Variants in PIP5K1B observed in about 807,000 individuals in gnomAD.
PIP5K1B encodes phosphatidylinositol 4-phosphate 5-kinase type-1 beta.
PIP5K1B carries 42 observed loss-of-function variants against 67.0 expected under a neutral mutation model. The observed-to-expected ratio is 0.63, with a 90% CI of 0.49 to 0.81. The LOEUF is 0.81. Among genes scored for constraint, PIP5K1B ranks in the 30% least tolerant of loss-of-function variants. The probability of loss-of-function intolerance (pLI) is 0.00; values close to 1 mark genes in which losing one functional copy is unlikely to be tolerated. For synonymous variants in PIP5K1B, 214 were observed against 231.4 expected (o/e 0.92, Z 0.68); for missense variants, 459 against 646.3 (o/e 0.71, Z 3.14).
At chr9:68,916,295 A>C (rs1826088951) in intron 8 of PIP5K1B, among the ~76,000 whole-genome samples, 1 of 152,168 alleles carries the variant, frequency 6.6e-6, no homozygotes, top group Non-Finnish European at 1.5e-5. Context: ...CCCAGTTTGC[A>C]GGCATTCTTC....
intron 14 of PIP5K1B, among the ~76,000 whole-genome samples, chr9:68,946,134 A>G (rs1827792710): frequency 6.6e-6 from 1 of 152,212 alleles, no homozygotes; most frequent in South Asian, 2.1e-4. Flanking sequence ...TTCTGTTGAT[A>G]CAGCAAGGTC....
At chr9:68,963,517 AC>A (rs1353217749) in intron 14 of PIP5K1B, among the ~76,000 whole-genome samples, 2,783 of 142,584 alleles carry the variant, frequency 0.02, 33 homozygotes, top group Middle Eastern at 0.067. Context: ...AAAAAAAAAA[AC>A]AAAACCTAAG....
intron 8 of PIP5K1B, among the ~76,000 whole-genome samples, chr9:68,912,386 A>G (rs1381761027): frequency 6.6e-6 from 1 of 152,226 alleles, no homozygotes; most frequent in Non-Finnish European, 1.5e-5. Context: ...GCACAGGAAG[A>G]AAAAGTGGAA....
chr9:68,999,101 A>C (rs1336073743), intron 15 of PIP5K1B, among the ~76,000 whole-genome samples: 1 of 151,962 alleles, frequency 6.6e-6, no homozygotes, highest in East Asian at 1.9e-4. Flanking sequence ...TGGTCCTTTG[A>C]TCTGCGTCAC....
intron 12 of PIP5K1B, among the ~76,000 whole-genome samples, chr9:68,924,722 C>G (rs1455045985): frequency 6.6e-6 from 1 of 151,954 alleles, no homozygotes; most frequent in East Asian, 1.9e-4. Context: ...CCATACACAA[C>G]TGAAAAAGTA....
At chr9:68,882,486 A>G (rs1326796696) in intron 6 of PIP5K1B, among the ~76,000 whole-genome samples, 1 of 152,244 alleles carries the variant, frequency 6.6e-6, no homozygotes, top group Admixed American at 6.5e-5. Context: ...GTAGTAACCA[A>G]TGAAATAGTC....
At chr9:68,929,656 TTTTTTG>T (rs543374560) in intron 12 of PIP5K1B, among the ~76,000 whole-genome samples, 71 of 150,882 alleles carry the variant, frequency 4.7e-4, no homozygotes, top group African/African-American at 1.5e-3. Context: ...ACTTTCAGTT[TTTTTTG>T]TTTTTGTTTT....
chr9:68,716,149 G>T (rs187378629), intron 1 of PIP5K1B, among the ~76,000 whole-genome samples: 188 of 152,320 alleles, frequency 1.2e-3, no homozygotes, highest in Non-Finnish European at 2.4e-3. Flanking sequence ...GAATGGGAAT[G>T]ATTATTTAGA....
rs556203077 is a variant in PIP5K1B, at chr9:68,949,009, G to A, written c.1502+8219G>A. ...CTGGGTACTTTTTGTGTGTTACTAA[G>A]ATTTTTAAATCGATTTAGTTTATGG... On this transcript the variant is annotated intron_variant, in intron 14 of 15. Transcript: ENST00000265382. Among the ~76,000 whole-genome samples, 145 of 151,976 alleles carry A rather than the reference G, an allele frequency of 9.5e-4. 1 individual carries two copies. Among genetic ancestry groups the A allele is most frequent in the African/African-American group, 3.3e-3 (135 of 41,458 alleles).
intron 4 of PIP5K1B, among the ~76,000 whole-genome samples, chr9:68,823,625 G>A (rs1220884114): frequency 6.6e-6 from 1 of 151,982 alleles, no homozygotes; most frequent in Non-Finnish European, 1.5e-5. Context: ...CACGTTACTG[G>A]GTAAAATATG....
chr9:68,774,825 T>C (rs1017229665), intron 2 of PIP5K1B, among the ~76,000 whole-genome samples: 3 of 152,208 alleles, frequency 2.0e-5, no homozygotes, highest in Non-Finnish European at 4.4e-5. Context: ...TCTTTTGTAC[T>C]TTCATCAATG....
At chr9:68,886,981 G>A (rs1163987776) in intron 6 of PIP5K1B, among the ~76,000 whole-genome samples, 1 of 152,144 alleles carries the variant, frequency 6.6e-6, no homozygotes, top group African/African-American at 2.4e-5. Context: ...CACATCTCAG[G>A]CCTTTGCATT....
chr9:68,838,242 T>G lies in PIP5K1B; in HGVS notation c.69+15559T>G, dbSNP rs564105070. 5.3e-5 allele frequency among the ~76,000 whole-genome samples: 8 copies of G among 152,284 alleles called. No homozygotes were observed. The East Asian group carries it at 1.5e-3, about 29-fold the overall frequency. ...TTGGGTATTCTAGGTAGCAATCATATAATGTGTAAATTATCATTTTTCTCC... is the reference window on the plus strand; with the variant it reads ...TTGGGTATTCTAGGTAGCAATCATAGAATGTGTAAATTATCATTTTTCTCC... On this transcript the variant is annotated intron_variant, in intron 4 of 15. Coordinates refer to ENST00000265382, the MANE Select transcript of PIP5K1B (RefSeq NM_003558.4).
intron 14 of PIP5K1B, among the ~76,000 whole-genome samples, chr9:68,981,229 TG>T (rs1302157509): frequency 3.3e-5 from 5 of 152,120 alleles, no homozygotes; most frequent in African/African-American, 1.2e-4. Context: ...ATACGGTGTG[TG>T]GTTGATGGAA....
intron 2 of PIP5K1B, among the ~76,000 whole-genome samples, chr9:68,798,676 A>G (rs1832426276): frequency 6.6e-6 from 1 of 152,186 alleles, no homozygotes. Context: ...ACGGGGTCTT[A>G]TAGGGCAAGA....
At chr9:68,723,529 G>T (rs189300172) in intron 1 of PIP5K1B, among the ~76,000 whole-genome samples, 6 of 151,670 alleles carry the variant, frequency 4.0e-5, no homozygotes, top group Admixed American at 6.6e-5. Context: ...TTTGGTAATA[G>T]CCATTCTTAC....
chr9:68,784,099 C>A (rs2132470461), intron 2 of PIP5K1B: 1 of 167,156 alleles, frequency 6.0e-6, no homozygotes, highest in Non-Finnish European at 1.5e-5. Context: ...GCTTATTCTT[C>A]TATATAGATG....
chr9:68,758,111 T>C (rs1830019997), intron 2 of PIP5K1B, among the ~76,000 whole-genome samples: 1 of 152,180 alleles, frequency 6.6e-6, no homozygotes, highest in Non-Finnish European at 1.5e-5. Context: ...CCTGAAGCTA[T>C]TCACGACAAT....
chr9:68,842,483 A>G (rs1041889246), intron 4 of PIP5K1B, among the ~76,000 whole-genome samples: 3 of 152,226 alleles, frequency 2.0e-5, no homozygotes, highest in Admixed American at 6.5e-5. Context: ...CACACCTACA[A>G]TATGAGACAC....
Sources: allele counts gnomAD v4.1 joint callset (sites outside exome capture counted in the v4.1 genomes callset), GRCh38; gene constraint gnomAD v4.1.1; transcripts MANE v1.5; gene names NCBI Gene and HGNC (gene_info 2026-07-23, HGNC 2026-07-21).